Variants in SLC2A14 observed in about 807,000 individuals in gnomAD.
SLC2A14 encodes the protein solute carrier family 2, facilitated glucose transporter member 14.
A neutral mutation model predicts 43.0 loss-of-function variants in SLC2A14; 13 were observed. The observed-to-expected ratio is 0.30, with a 90% CI of 0.20 to 0.48. The LOEUF (loss-of-function observed/expected upper bound fraction) is 0.48, where lower values mean the gene tolerates loss of function less well. Among genes scored for constraint, SLC2A14 ranks in the 20% least tolerant of loss-of-function variants. SLC2A14 has a pLI of 0.99. For synonymous variants in SLC2A14, 190 were observed against 233.8 expected (o/e 0.81, Z 1.71); for missense variants, 428 against 620.4 (o/e 0.69, Z 3.29).
chr12:7,869,366 A>G (rs145360503), intron 2 of SLC2A14, among the ~76,000 whole-genome samples: 5 of 152,246 alleles, frequency 3.3e-5, no homozygotes, highest in Non-Finnish European at 5.9e-5. Context: ...CTCCAGCCCA[A>G]TCCAAAGGCT....
At chr12:7,828,472 C>T (rs1053433399) in intron 6 of SLC2A14, among the ~76,000 whole-genome samples, 1 of 152,022 alleles carries the variant, frequency 6.6e-6, no homozygotes, top group Non-Finnish European at 1.5e-5. Flanking sequence ...CGCTTAGAAC[C>T]CAGGAGGCGG....
chr12:7,867,280 C>CAAAAA (rs755003596), intron 2 of SLC2A14, among the ~76,000 whole-genome samples: 4 of 71,200 alleles, frequency 5.6e-5, no homozygotes, highest in Non-Finnish European at 9.3e-5. Flanking sequence ...GACTCCGTCT[C>CAAAAA]AAAAAAAAAA....
intron 1 of SLC2A14, among the ~76,000 whole-genome samples, chr12:7,881,918 G>A (rs1272293302): frequency 6.6e-6 from 1 of 152,098 alleles, no homozygotes; most frequent in African/African-American, 2.4e-5. Context: ...TGGGGACATG[G>A]ATAACTTTTG....
intron 1 of SLC2A14, among the ~76,000 whole-genome samples, chr12:7,889,781 C>T (rs942065461): frequency 6.6e-6 from 1 of 151,308 alleles, no homozygotes; most frequent in African/African-American, 2.4e-5. Context: ...GGTGATCCAC[C>T]CGCCTTGGCC....
upstream of SLC2A14, among the ~76,000 whole-genome samples, chr12:7,876,467 G>C (rs1478099784): frequency 6.6e-6 from 1 of 151,992 alleles, no homozygotes; most frequent in Non-Finnish European, 1.5e-5. Context: ...TGCTGAAGTG[G>C]AGAAAAGAGA....
At chr12:7,837,807 G>A (rs568924422) in intron 2 of SLC2A14, among the ~76,000 whole-genome samples, 4 of 151,546 alleles carry the variant, frequency 2.6e-5, no homozygotes, top group African/African-American at 9.7e-5. Context: ...GTCCAGGCTA[G>A]AGTGCAGTAG....
chr12:7,849,711 C>T (rs1866764130), intron 2 of SLC2A14, among the ~76,000 whole-genome samples: 3 of 151,432 alleles, frequency 2.0e-5, no homozygotes, highest in African/African-American at 4.9e-5. Context: ...CCAGCCTGGC[C>T]AACCTGGTAA....
rs1216564010 is a variant in SLC2A14, at chr12:7,812,517, T to C, written c.*1799A>G. 1 of 152,220 alleles carries C rather than the reference T, an allele frequency of 6.6e-6. No homozygotes were observed. Among genetic ancestry groups the C allele is most frequent in the Non-Finnish European group, 1.5e-5 (1 of 68,040 alleles). The allele number at this position is 152,220 out of a possible 1,614,324, so 9.4% of individuals were successfully genotyped here. A position where few individuals can be genotyped will look rare whatever the true frequency, so the allele number is the denominator to read the frequency against. The stretch of plus-strand genomic sequence containing the variant: ...AATAAATAATGTGCTTGTGATGTCA[T>C]GTACATTCAGAATTTTTATTTTAAA... On this transcript the variant is annotated 3_prime_UTR_variant, in exon 11 of 11. Transcript: ENST00000431042.
Position 7,891,114 on chromosome 12 carries a change from T to TG in SLC2A14, c.13dup (p.Gln5ProfsTer16). ...CAGGAGTACTTCTACTCTCAACAGT[T>TG]GGAGTCTTTGCATTGTGAACAAAAG... On this transcript the variant is annotated frameshift_variant, in exon 1 of 10. Coordinates refer to the SLC2A14 transcript ENST00000539924. LOFTEE classifies it high-confidence loss of function. 1 of 1,534,164 alleles carries TG rather than the reference T, an allele frequency of 6.5e-7. No homozygotes were observed. Among genetic ancestry groups the TG allele is most frequent in the Non-Finnish European group, 8.7e-7 (1 of 1,146,046 alleles).
At chr12:7,840,001 A>G (rs1431697423) in intron 2 of SLC2A14, 2 of 352,788 alleles carry the variant, frequency 5.7e-6, no homozygotes, top group African/African-American at 4.5e-5. Flanking sequence ...AGTCCCAGCT[A>G]CTCGGGTGGC....
At chr12:7,886,346 ATTT>A (rs1945689657) in intron 1 of SLC2A14, among the ~76,000 whole-genome samples, 1 of 782 alleles carries the variant, frequency 1.3e-3, no homozygotes, top group Non-Finnish European at 6.6e-3. Context: ...TTTAAAATTT[ATTT>A]ATTTATTTAT....
chr12:7,861,887 G>A (rs1944579105), intron 2 of SLC2A14, among the ~76,000 whole-genome samples: 6 of 151,504 alleles, frequency 4.0e-5, no homozygotes, highest in Admixed American at 2.0e-4. Flanking sequence ...GCTGGAACCC[G>A]GGAGGCAGAG....
At chr12:7,817,261 A>G (rs1398442320) in intron 10 of SLC2A14, among the ~76,000 whole-genome samples, 2 of 151,950 alleles carry the variant, frequency 1.3e-5, no homozygotes, top group Non-Finnish European at 2.9e-5. Context: ...GATTACAGGC[A>G]TGCGCCACCA....
In SLC2A14 at chr12:7,886,151, C is replaced by CTTTTTTTTTTTTT. The variant is rs3044922; in HGVS notation, c.132+4832_132+4844dup. On this transcript the variant is annotated intron_variant, in intron 1 of 9. Coordinates refer to the SLC2A14 transcript ENST00000539924. The stretch of plus-strand genomic sequence containing the variant: ...GGCATGTACCACCACGCCCGGACAG[C>CTTTTTTTTTTTTT]TTTTTTTTTTTTTTTTTTTTTTTTT... 4.1e-3 allele frequency among the ~76,000 whole-genome samples: 183 copies of CTTTTTTTTTTTTT among 44,730 alleles called. 24 individuals are homozygous for CTTTTTTTTTTTTT. Among genetic ancestry groups the CTTTTTTTTTTTTT allele is most frequent in the Non-Finnish European group, 5.6e-3 (143 of 25,748 alleles). The allele number at this position is 44,730 out of a possible 152,430, so 29.3% of individuals were successfully genotyped here.
At position 7,842,653 on chromosome 12, in the gene SLC2A14, C is replaced by G. The variant is rs193088138; in HGVS notation, c.19-9839G>C. Among the ~76,000 whole-genome samples, 6 of 152,134 alleles carry G rather than the reference C, an allele frequency of 3.9e-5. 1 individual carries two copies. In the South Asian group the frequency reaches 1.0e-3, roughly 26 times the overall value. On this transcript the variant is annotated intron_variant, in intron 2 of 10. Transcript: ENST00000431042. Reference sequence around the variant, plus strand: ...CACCAGGCTACCACCCCCCTCCCCCCACTCACAGGAAAACAGCTACATGAT... The same window carrying G: ...CACCAGGCTACCACCCCCCTCCCCCGACTCACAGGAAAACAGCTACATGAT...
chr12:7,825,126 C>T (rs1022027836), intron 7 of SLC2A14, among the ~76,000 whole-genome samples: 1 of 152,114 alleles, frequency 6.6e-6, no homozygotes, highest in Admixed American at 6.6e-5. Context: ...GGAGCAAAAT[C>T]TGCTCATTGA....
chr12:7,865,714 A>T (rs1944871016), intron 2 of SLC2A14, among the ~76,000 whole-genome samples: 1 of 152,216 alleles, frequency 6.6e-6, no homozygotes, highest in East Asian at 1.9e-4. Context: ...TAAAAACCCT[A>T]AATGGCATCT....
intron 2 of SLC2A14, among the ~76,000 whole-genome samples, chr12:7,847,769 A>G (rs1260181975): frequency 1.3e-5 from 2 of 152,164 alleles, no homozygotes; most frequent in African/African-American, 4.8e-5. Flanking sequence ...GCTGGTAGAG[A>G]GAAGCAGTGA....
At chr12:7,877,508 C>T (rs1318588468), upstream of SLC2A14, among the ~76,000 whole-genome samples, 2 of 151,932 alleles carry the variant, frequency 1.3e-5, no homozygotes, top group African/African-American at 4.8e-5. Context: ...TTACTGCAAC[C>T]TCCACCTCCC....
Sources: allele counts gnomAD v4.1 joint callset (sites outside exome capture counted in the v4.1 genomes callset), GRCh38; gene constraint gnomAD v4.1.1; transcripts MANE v1.5; gene names NCBI Gene and HGNC (gene_info 2026-07-23, HGNC 2026-07-21).